The following FANCC variants were observed in gnomAD, a reference collection of about 807,000 sequenced individuals.
The protein encoded by FANCC is Fanconi anemia group C protein.
A neutral mutation model predicts 71.3 loss-of-function variants in FANCC; 55 were observed. The ratio of observed to expected loss-of-function variants is 0.77; its 90% CI spans 0.62 to 0.97. The LOEUF is 0.97. Ranked by LOEUF, FANCC falls within the 50% of genes least tolerant of loss-of-function variation. FANCC has a pLI of 0.00. For synonymous variants in FANCC, 275 were observed against 244.9 expected (o/e 1.12, Z -1.15); for missense variants, 678 against 670.9 (o/e 1.01, Z -0.12).
intron 4 of FANCC, among the ~76,000 whole-genome samples, chr9:95,176,471 T>C (rs1331052473): frequency 6.6e-6 from 1 of 152,236 alleles, no homozygotes; most frequent in Non-Finnish European, 1.5e-5. Flanking sequence ...GACTTCAGTA[T>C]GTCCAATCCC....
intron 1 of FANCC, chr9:95,293,006 T>G (rs1395941278): frequency 5.7e-6 from 9 of 1,581,302 alleles, no homozygotes; most frequent in Non-Finnish European, 6.9e-6. Flanking sequence ...GGGACCCACC[T>G]AGTAAGAAAA....
At chr9:95,161,294 A>T (rs1830729696) in intron 6 of FANCC, among the ~76,000 whole-genome samples, 1 of 152,222 alleles carries the variant, frequency 6.6e-6, no homozygotes, top group African/African-American at 2.4e-5. Context: ...GGAGGCCTGG[A>T]AGGAGAAGCC....
intron 4 of FANCC, among the ~76,000 whole-genome samples, chr9:95,212,183 C>T (rs937585716): frequency 1.3e-5 from 2 of 151,950 alleles, no homozygotes; most frequent in Non-Finnish European, 2.9e-5. Flanking sequence ...GGGTACAGGA[C>T]AGAATAAGCA....
At chr9:95,263,510 A>C (rs1248779312) in intron 1 of FANCC, among the ~76,000 whole-genome samples, 1 of 145,658 alleles carries the variant, frequency 6.9e-6, no homozygotes, top group Non-Finnish European at 1.5e-5. Context: ...GTGTATATAT[A>C]TATATATCTA....
At chr9:95,212,812 G>C (rs1032536719) in intron 4 of FANCC, among the ~76,000 whole-genome samples, 3 of 152,234 alleles carry the variant, frequency 2.0e-5, no homozygotes, top group African/African-American at 7.2e-5. Flanking sequence ...ATAAACAGAA[G>C]GGAGAGGAGA....
At chr9:95,147,866 T>C (rs923676183) in intron 7 of FANCC, among the ~76,000 whole-genome samples, 4 of 152,238 alleles carry the variant, frequency 2.6e-5, no homozygotes, top group Admixed American at 2.0e-4. Flanking sequence ...ACTGTATTGC[T>C]TGTACTTGTC....
At chr9:95,240,838 C>G (rs1718847974) in intron 3 of FANCC, 95 bp from the exon 4 acceptor site, 1 of 755,880 alleles carries the variant, frequency 1.3e-6, no homozygotes, top group African/African-American at 1.7e-5. Flanking sequence ...TCTCAAACTA[C>G]TAAGTTCACA....
At chr9:95,102,021 C>T (rs1463954518) in intron 14 of FANCC, among the ~76,000 whole-genome samples, 171 bp from the exon 15 acceptor site, 1 of 152,192 alleles carries the variant, frequency 6.6e-6, no homozygotes, top group South Asian at 2.1e-4. Context: ...ATTAGCATAG[C>T]AAGTCTGTCT....
At chr9:95,182,852 G>A in intron 4 of FANCC, among the ~76,000 whole-genome samples, 1 of 152,136 alleles carries the variant, frequency 6.6e-6, no homozygotes, top group East Asian at 1.9e-4. Flanking sequence ...GCAAGGGGAA[G>A]ACAGAAAGAA....
intron 1 of FANCC, among the ~76,000 whole-genome samples, chr9:95,309,048 C>T (rs539967754): frequency 7.8e-4 from 119 of 152,280 alleles, no homozygotes; most frequent in African/African-American, 2.6e-3. Flanking sequence ...TTCTTGCTTA[C>T]AACTACTCAA....
At chr9:95,158,092 G>A (rs1405115583) in intron 6 of FANCC, among the ~76,000 whole-genome samples, 1 of 152,100 alleles carries the variant, frequency 6.6e-6, no homozygotes, top group African/African-American at 2.4e-5. Context: ...CATGAGTGAT[G>A]CACACAGGCA....
At chr9:95,216,115 A>C (rs941959344) in intron 4 of FANCC, among the ~76,000 whole-genome samples, 17 of 152,218 alleles carry the variant, frequency 1.1e-4, no homozygotes, top group African/African-American at 4.1e-4. Flanking sequence ...ACCCACTTTA[A>C]AGACACAAGT....
At chr9:95,191,573 T>C (rs1227757945) in intron 4 of FANCC, among the ~76,000 whole-genome samples, 1 of 152,046 alleles carries the variant, frequency 6.6e-6, no homozygotes, top group Non-Finnish European at 1.5e-5. Flanking sequence ...CCAGATCATA[T>C]ATGCAACTAG....
chr9:95,282,466 G>C (rs987534506), intron 1 of FANCC, among the ~76,000 whole-genome samples: 4 of 152,124 alleles, frequency 2.6e-5, no homozygotes, highest in Non-Finnish European at 4.4e-5. Context: ...GAAACAGATA[G>C]ATTGTAACAC....
At position 95,294,958 on chromosome 9, in the gene FANCC, G is replaced by C. The variant is rs556662534; in HGVS notation, c.-79+22568C>G. Reference sequence around the variant, plus strand: ...TTGCAGTTCTTTGCCTTTTGTACTTGTAAACAGAAATTTGTGTATAAATGT... The same window carrying C: ...TTGCAGTTCTTTGCCTTTTGTACTTCTAAACAGAAATTTGTGTATAAATGT... On this transcript the variant is annotated intron_variant, in intron 1 of 14. Coordinates refer to ENST00000289081, the MANE Select transcript of FANCC (RefSeq NM_000136.3). 3.7e-4 allele frequency: 227 copies of C among 620,418 alleles called. No individual in the cohort carries two copies. In the East Asian group the frequency reaches 6.7e-3, roughly 18 times the overall value. 38.4% of individuals were successfully genotyped at this position (620,418 alleles called of 1,614,324 possible).
At chr9:95,151,489 A>G (rs929817953) in intron 6 of FANCC, among the ~76,000 whole-genome samples, 2 of 152,246 alleles carry the variant, frequency 1.3e-5, no homozygotes, top group Non-Finnish European at 2.9e-5. Flanking sequence ...GCTGCCTATT[A>G]TTAAAACAAA....
intron 4 of FANCC, among the ~76,000 whole-genome samples, chr9:95,238,558 T>C (rs1012304243): frequency 6.6e-5 from 10 of 151,936 alleles, no homozygotes; most frequent in Non-Finnish European, 1.3e-4. Flanking sequence ...GCTTTTTTTT[T>C]CCTTTTTTCT....
intron 1 of FANCC, among the ~76,000 whole-genome samples, chr9:95,291,607 C>G (rs1834000566): frequency 6.6e-6 from 1 of 151,876 alleles, no homozygotes; most frequent in African/African-American, 2.4e-5. Context: ...GGAAGATACC[C>G]CATGTTCACA....
chr9:95,122,520 G>A (rs995399601), intron 10 of FANCC, among the ~76,000 whole-genome samples: 8 of 152,170 alleles, frequency 5.3e-5, no homozygotes, highest in Admixed American at 4.6e-4. Flanking sequence ...GGCGAGGGTG[G>A]TGAATTCCTG....
Sources: gnomAD v4.1 joint callset for allele counts (sites outside exome capture counted in the v4.1 genomes callset) on GRCh38, gnomAD v4.1.1 for gene constraint, MANE v1.5 for transcripts, NCBI Gene and HGNC (gene_info 2026-07-23, HGNC 2026-07-21) for gene names.